The following MEN1 variants were observed in gnomAD, a reference collection of about 807,000 sequenced individuals.
MEN1 encodes the protein menin 1.
A neutral mutation model predicts 58.0 loss-of-function variants in MEN1; 6 were observed. The ratio of observed to expected loss-of-function variants is 0.10; its 90% CI spans 0.06 to 0.20. MEN1 has a LOEUF of 0.20. Among genes scored for constraint, MEN1 ranks in the 10% least tolerant of loss-of-function variants. The probability of loss-of-function intolerance (pLI) is 1.00; values close to 1 mark genes in which losing one functional copy is unlikely to be tolerated. For missense variants in MEN1, 492 were observed against 818.5 expected (o/e 0.60, Z 4.87); for synonymous variants, 346 against 350.7 (o/e 0.99, Z 0.15).
In MEN1 at chr11:64,805,655, G is replaced by C. The variant is rs566593066; in HGVS notation, c.1165C>G (p.Arg389Gly). 1 of 1,614,018 alleles carries C rather than the reference G, an allele frequency of 6.2e-7. No individual in the cohort carries two copies. Among genetic ancestry groups the C allele is most frequent in the Non-Finnish European group, 8.5e-7 (1 of 1,180,012 alleles). ...TTCACCTGGCTTTGCTCCCCCGGCC[G>C]CTCCTCGCCCGCCTCCAGCAAGCTG... The part of the protein sequence containing the change: ...AASLLEAGEE[R>G]PGEQSQGTQS... The change falls in exon 8 of 10, where the codon CGG (arginine) becomes GGG (glycine). Residue 389 changes from arginine to glycine, a missense_variant. Coordinates refer to ENST00000450708, the MANE Select transcript of MEN1 (RefSeq NM_001370259.2).
At chr11:64,805,792 TGTA>T in intron 7 of MEN1, 22 bp from the exon 8 acceptor site, 5 of 1,613,830 alleles carry the variant, frequency 3.1e-6, no homozygotes, top group Non-Finnish European at 4.2e-6. Context: ...GTGGGGTCTC[TGTA>T]GGGTCTGAAG....
chr11:64,806,401 AG>A (rs1171803811), intron 6 of MEN1, 33 bp from the exon 7 acceptor site: 2 of 1,613,850 alleles, frequency 1.2e-6, no homozygotes, highest in Admixed American at 1.7e-5. Flanking sequence ...ATCCTCAGGG[AG>A]GCAGCCCCAG....
In MEN1 at chr11:64,803,961, C is replaced by T; in HGVS notation, c.*373G>A. ...TGTGCTCCTTGGGTTAAGGGTGAAACCTCAGCTCCTACAAGCTGGGAGGAG... is the reference window on the plus strand; with the variant it reads ...TGTGCTCCTTGGGTTAAGGGTGAAATCTCAGCTCCTACAAGCTGGGAGGAG... On this transcript the variant is annotated 3_prime_UTR_variant, in exon 10 of 10. Coordinates refer to ENST00000450708, the MANE Select transcript of MEN1 (RefSeq NM_001370259.2). 1 of 402,510 alleles carries T rather than the reference C, an allele frequency of 2.5e-6. No individual in the cohort carries two copies. Among genetic ancestry groups the T allele is most frequent in the South Asian group, 2.7e-5 (1 of 36,776 alleles). The allele number at this position is 402,510 out of a possible 1,614,324, so 24.9% of individuals were successfully genotyped here. A position where few individuals can be genotyped will look rare whatever the true frequency, so the allele number is the denominator to read the frequency against.
rs551905111 is a variant in MEN1, at chr11:64,808,215, C to T, written c.446-116G>A. 2.1e-4 allele frequency: 203 copies of T among 964,652 alleles called. No homozygotes were observed. In the African/African-American group the frequency reaches 2.8e-3, roughly 13 times the overall value. 59.8% of individuals were successfully genotyped at this position (964,652 alleles called of 1,614,324 possible). The stretch of plus-strand genomic sequence containing the variant: ...TCCCTTTCCAAGCCTGTGACCCAAC[C>T]TCAGATTCTCCTGCCCACTATCCCT... On this transcript the variant is annotated intron_variant, in intron 2 of 9. Coordinates refer to ENST00000450708, the MANE Select transcript of MEN1 (RefSeq NM_001370259.2).
chr11:64,808,145 A>G (rs1246172830), intron 2 of MEN1, 46 bp from the exon 3 acceptor site: 1 of 1,538,318 alleles, frequency 6.5e-7, no homozygotes, highest in African/African-American at 1.4e-5. Flanking sequence ...GTGCTTTAAC[A>G]TGGGGAAAGG....
rs1941706902 is a variant in MEN1 at position 64,806,157 on chromosome 11, C to G, written c.1049+75G>C. The G allele has an allele frequency of 3.8e-6, 6 of 1,599,232 alleles. No individual in the cohort carries two copies. The South Asian group carries it at 6.6e-5, about 18-fold the overall frequency. On this transcript the variant is annotated intron_variant, in intron 7 of 9. Coordinates refer to ENST00000450708, the MANE Select transcript of MEN1 (RefSeq NM_001370259.2). ...TGGGGCGTGGGAGCCAGGCCTCAGT[C>G]CTGGACGAGGGTGGTTGGAAACTGA...
Position 64,805,170 on chromosome 11 carries a change from T to A in MEN1, c.1214A>T (p.Gln405Leu). 1 of 1,613,944 alleles carries A rather than the reference T, an allele frequency of 6.2e-7. No individual in the cohort carries two copies. The highest frequency in any genetic ancestry group is 1.3e-5 in the African/African-American group (1 of 75,040). Reference sequence around the variant, plus strand: ...CAGGTGGGCGAAGCACTCAGGGTCCTGGAGGGCGGAACCTTGGCTCTGGGT... The same window carrying A: ...CAGGTGGGCGAAGCACTCAGGGTCCAGGAGGGCGGAACCTTGGCTCTGGGT... ...QGTQSQGSALQDPECFAHLLR... is the reference protein window; with the variant it reads ...QGTQSQGSALLDPECFAHLLR... Residue 405 changes from glutamine to leucine, a missense_variant, in exon 9 of 10, where the codon CAG becomes CTG. Physicochemically the swap from Gln to Leu is moderately radical, Grantham distance 113. Coordinates refer to ENST00000450708, the MANE Select transcript of MEN1 (RefSeq NM_001370259.2).
rs1012529849 is a variant in MEN1, at chr11:64,804,273, A to T, written c.*61T>A. 6.0e-5 allele frequency: 96 copies of T among 1,611,864 alleles called. No homozygotes were observed. The highest frequency in any genetic ancestry group is 7.9e-5 in the Non-Finnish European group (93 of 1,178,790). ...TGGGCTGGGGGCAGAACATGGGCTC[A>T]GAGTTGGGGGACTAAGGGCGGAGCC... On this transcript the variant is annotated 3_prime_UTR_variant, in exon 10 of 10. Coordinates refer to ENST00000450708, the MANE Select transcript of MEN1 (RefSeq NM_001370259.2). This position sits in a 1 kb window ranked among gnomAD's most constrained non-coding sequence, Gnocchi z 4.2.
At chr11:64,805,543 C>A in intron 8 of MEN1, 92 bp downstream of exon 8, 3 of 1,520,840 alleles carry the variant, frequency 2.0e-6, no homozygotes, top group Non-Finnish European at 1.8e-6. Context: ...CTCCTGCCAT[C>A]CCTAATCCCG....
At position 64,806,913 on chromosome 11, in the gene MEN1, C is replaced by T; in HGVS notation, c.912+98G>A. On this transcript the variant is annotated intron_variant, in intron 6 of 9. Transcript: ENST00000450708. ...AAGTGAGACTGGATGGGCGATACCC[C>T]CCAACACACAAAGTTCTCTTCTCAT... The T allele has an allele frequency of 3.7e-6, 4 of 1,077,572 alleles. No individual in the cohort carries two copies. In the South Asian group the frequency reaches 3.9e-5, roughly 11 times the overall value. 66.8% of individuals were successfully genotyped at this position (1,077,572 alleles called of 1,614,324 possible).
intron 2 of MEN1, among the ~76,000 whole-genome samples, chr11:64,808,746 C>T (rs1941915106): frequency 6.6e-6 from 1 of 150,866 alleles, no homozygotes; most frequent in African/African-American, 2.4e-5. Context: ...GAGATCGAGA[C>T]CATCCTGGCT....
rs377403837 is a variant in MEN1, at chr11:64,806,301, T to C, written c.980A>G (p.Tyr327Cys). Residue 327 changes from tyrosine (Y) to cysteine (C), a missense_variant, in exon 7 of 10, where the codon TAC becomes TGC. Physicochemically the swap from Tyr to Cys is radical, Grantham distance 194. Transcript: ENST00000450708. ...HIYPYMYLAG[Y>C]HCRNRNVREA... ...CCGCACATTGCGGTTGCGACAGTGG[T>C]AGCCAGCCAGGTACATGTAGGGGTA... The C allele has an allele frequency of 6.2e-7, 1 of 1,614,074 alleles. No individual in the cohort carries two copies. Among genetic ancestry groups the C allele is most frequent in the Non-Finnish European group, 8.5e-7 (1 of 1,180,006 alleles).
At position 64,809,914 on chromosome 11, in the gene MEN1, T is replaced by G. The variant is rs1942005110; in HGVS notation, c.196A>C (p.Ser66Arg). Residue 66 changes from serine to arginine, a missense_variant, in exon 2 of 10, where the codon AGC (serine) becomes CGC (arginine). By Grantham distance (110) the Ser-to-Arg change is moderately radical. Transcript: ENST00000450708. ...CCGCCAGGCGGGTCGGGGGCGGGGC[T>G]GGGCTGGAAGGTGAGCTCGGGAACG... is the stretch of plus-strand genomic sequence containing the variant. The part of the protein sequence containing the change: ...TNVPELTFQP[S>R]PAPDPPGGLT... 3 of 1,587,450 alleles carry G rather than the reference T, an allele frequency of 1.9e-6. No homozygotes were observed. The highest frequency in any genetic ancestry group is 2.6e-6 in the Non-Finnish European group (3 of 1,166,886).
intron 6 of MEN1, 72 bp from the exon 7 acceptor site, chr11:64,806,440 A>AG: frequency 6.4e-7 from 1 of 1,574,412 alleles, no homozygotes; most frequent in East Asian, 2.2e-5. Context: ...ATGCCCCACC[A>AG]GGGCACACCC....
chr11:64,805,966 TC>T, intron 7 of MEN1, 196 bp from the exon 8 acceptor site: 1 of 668,496 alleles, frequency 1.5e-6, no homozygotes, highest in South Asian at 1.8e-5. Context: ...AGGGTGGAAG[TC>T]CCACTGCTGG....
At chr11:64,805,900 C>T in intron 7 of MEN1, 130 bp from the exon 8 acceptor site, 1 of 931,558 alleles carries the variant, frequency 1.1e-6, no homozygotes, top group South Asian at 1.3e-5. Context: ...CAAAATGATG[C>T]TGTCTGGGTC....
Position 64,810,114 on chromosome 11 carries a change from G to A in MEN1, c.-5C>T. ...CTGGGCGGCCTTCAGCCCCATGGCG[G>A]CGGGCGGTGGGCGGCGGCCTGCAAG... On this transcript the variant is annotated 5_prime_UTR_variant, in exon 2 of 10. Coordinates refer to ENST00000450708, the MANE Select transcript of MEN1 (RefSeq NM_001370259.2). 6.4e-7 allele frequency: 1 copy of A among 1,562,728 alleles called. No individual in the cohort carries two copies. The highest frequency in any genetic ancestry group is 8.6e-7 in the Non-Finnish European group (1 of 1,157,712).
At position 64,809,701 on chromosome 11, in the gene MEN1, G is replaced by A. The variant is rs1208267598; in HGVS notation, c.409C>T (p.Arg137Trp). 1.2e-6 allele frequency: 2 copies of A among 1,614,176 alleles called. No homozygotes were observed. Among genetic ancestry groups the A allele is most frequent in the Non-Finnish European group, 1.7e-6 (2 of 1,180,024 alleles). ...NSLSRSYFKDRAHIQSLFSFI... is the reference protein window; with the variant it reads ...NSLSRSYFKDWAHIQSLFSFI... ...CTGAAGAGGGACTGGATGTGGGCCC[G>A]ATCCTTGAAGTAGGAGCGGCTGAGG... is the stretch of plus-strand genomic sequence containing the variant. The change falls in exon 2 of 10, where the codon CGG (arginine) becomes TGG (tryptophan). Residue 137 changes from arginine to tryptophan, a missense_variant. Coordinates refer to ENST00000450708, the MANE Select transcript of MEN1 (RefSeq NM_001370259.2).
rs760629445 is a variant in MEN1, at chr11:64,810,048, C to A, written c.62G>T (p.Arg21Leu). 1.2e-6 allele frequency: 2 copies of A among 1,609,732 alleles called. No homozygotes were observed. Among genetic ancestry groups the A allele is most frequent in the Non-Finnish European group, 1.7e-6 (2 of 1,178,370 alleles). The change falls in exon 2 of 10, where the codon CGC becomes CTC. Residue 21 changes from arginine to leucine, a missense_variant. This residue lies in a region of MEN1 where 335 missense variants were observed against 550.3 expected (regional missense o/e 0.61). Transcript: ENST00000450708. ...FPLRSIDDVV[R>L]LFAAELGREE... is the part of the protein sequence containing the mutation. ...TCGGCCCAGCTCGGCAGCAAACAGG[C>A]GCACCACGTCGTCGATGGAGCGCAG... is the stretch of plus-strand genomic sequence containing the variant.
Sources: gnomAD v4.1 joint callset for allele counts (sites outside exome capture counted in the v4.1 genomes callset) on GRCh38, gnomAD v4.1.1 for gene constraint, gnomAD v4.1.1 regional missense constraint, Gnocchi (gnomAD v3.1) non-coding constraint, MANE v1.5 for transcripts, NCBI Gene and HGNC (gene_info 2026-07-23, HGNC 2026-07-21) for gene names.